The following DPP10 variants were observed in gnomAD, a reference collection of about 807,000 sequenced individuals.
DPP10 encodes dipeptidyl peptidase like 10.
In DPP10, 33 loss-of-function variants were observed where a neutral mutation model predicts 120.9. The observed-to-expected ratio is 0.27, with a 90% CI of 0.21 to 0.37. DPP10 has a LOEUF of 0.37. Ranked by LOEUF, DPP10 falls within the 10% of genes least tolerant of loss-of-function variation. DPP10 has a pLI of 1.00. For synonymous variants in DPP10, 337 were observed against 326.1 expected (o/e 1.03, Z -0.36); for missense variants, 816 against 942.8 (o/e 0.87, Z 1.76).
At chr2:115,284,366 T>C (rs1348398503) in intron 1 of DPP10, among the ~76,000 whole-genome samples, 2 of 152,022 alleles carry the variant, frequency 1.3e-5, no homozygotes, top group African/African-American at 4.8e-5. Flanking sequence ...CACTTATAAA[T>C]AATGCATTAT....
intron 1 of DPP10, among the ~76,000 whole-genome samples, chr2:115,268,096 T>A (rs756732814): frequency 1.3e-5 from 2 of 152,242 alleles, no homozygotes; most frequent in Non-Finnish European, 2.9e-5. Flanking sequence ...AAACTTCATA[T>A]GCTTTGATGC....
intron 1 of DPP10, among the ~76,000 whole-genome samples, chr2:114,523,907 C>T (rs1160799610): frequency 6.6e-6 from 1 of 152,154 alleles, no homozygotes; most frequent in Admixed American, 6.5e-5. Context: ...CAGGAAGTGA[C>T]AAACATAGAC....
At chr2:115,396,639 C>A (rs1395078355) in intron 3 of DPP10, among the ~76,000 whole-genome samples, 2 of 152,172 alleles carry the variant, frequency 1.3e-5, no homozygotes, top group Admixed American at 1.3e-4. Context: ...AAACAGCATG[C>A]AATGTTTGTA....
chr2:114,997,598 T>C lies in DPP10; in HGVS notation c.61-311641T>C, dbSNP rs1046281960. Among the ~76,000 whole-genome samples the C allele has an allele frequency of 2.6e-5, 4 of 152,012 alleles. 1 individual carries two copies. The highest frequency in any genetic ancestry group is 2.6e-4 in the Admixed American group (4 of 15,246). On this transcript the variant is annotated intron_variant, in intron 1 of 25. Coordinates refer to ENST00000410059, the MANE Select transcript of DPP10 (RefSeq NM_020868.6). Reference sequence around the variant, plus strand: ...ATAATAATCAAAATAGCCAAATTCATATAATTTTACAAAAAAACAAGATTT... The same window carrying C: ...ATAATAATCAAAATAGCCAAATTCACATAATTTTACAAAAAAACAAGATTT...
At chr2:114,832,378 CA>C (rs1401936167) in intron 1 of DPP10, among the ~76,000 whole-genome samples, 1 of 151,976 alleles carries the variant, frequency 6.6e-6, no homozygotes. Flanking sequence ...CTAAAAACTA[CA>C]AAAAAATTAG....
chr2:115,272,598 T>C (rs886268232), intron 1 of DPP10, among the ~76,000 whole-genome samples: 3 of 152,248 alleles, frequency 2.0e-5, no homozygotes, highest in African/African-American at 7.2e-5. Flanking sequence ...ACAAGTTAGA[T>C]TGTGGAAATA....
At chr2:114,879,218 G>T (rs573626578) in intron 1 of DPP10, among the ~76,000 whole-genome samples, 36 of 150,054 alleles carry the variant, frequency 2.4e-4, no homozygotes, top group African/African-American at 6.9e-4. Flanking sequence ...AAACACTACT[G>T]TCAGGTAGGG....
At chr2:114,449,512 A>G (rs1362187029) in intron 1 of DPP10, among the ~76,000 whole-genome samples, 1 of 151,502 alleles carries the variant, frequency 6.6e-6, no homozygotes, top group Non-Finnish European at 1.5e-5. Flanking sequence ...GAAAAGTAAA[A>G]TGCATACAGC....
intron 1 of DPP10, among the ~76,000 whole-genome samples, chr2:114,605,081 T>C (rs1692679467): frequency 6.6e-6 from 1 of 152,120 alleles, no homozygotes. Flanking sequence ...CAGAAAGGCC[T>C]TGCTTTTCTG....
At chr2:114,452,986 TA>T (rs1573383394) in intron 1 of DPP10, among the ~76,000 whole-genome samples, 1 of 152,030 alleles carries the variant, frequency 6.6e-6, no homozygotes, top group East Asian at 1.9e-4. Context: ...TGGTTAGAAC[TA>T]AATCTTGCAC....
At chr2:114,568,501 A>C (rs138711282) in intron 1 of DPP10, among the ~76,000 whole-genome samples, 3 of 152,278 alleles carry the variant, frequency 2.0e-5, no homozygotes, top group Admixed American at 6.5e-5. Flanking sequence ...AGTTACCACA[A>C]CAATTTGTGG....
At chr2:114,979,247 A>G (rs1160406251) in intron 1 of DPP10, among the ~76,000 whole-genome samples, 1 of 152,058 alleles carries the variant, frequency 6.6e-6, no homozygotes, top group African/African-American at 2.4e-5. Flanking sequence ...GAATCAAGAT[A>G]ATCAGAACAG....
At chr2:115,320,546 G>T (rs1521078) in intron 2 of DPP10, among the ~76,000 whole-genome samples, 119,370 of 151,828 alleles carry the variant, frequency 0.79, 47,172 homozygotes, top group Non-Finnish European at 0.83. Flanking sequence ...TTTAAATTTA[G>T]AACAATTTAG....
At chr2:115,495,976 G>A (rs2076375338) in intron 3 of DPP10, among the ~76,000 whole-genome samples, 1 of 152,018 alleles carries the variant, frequency 6.6e-6, no homozygotes, top group Non-Finnish European at 1.5e-5. Flanking sequence ...TCATTGATCT[G>A]ATTCACTCAT....
chr2:115,775,489 AT>A (rs1188294901), intron 13 of DPP10, among the ~76,000 whole-genome samples: 1 of 152,068 alleles, frequency 6.6e-6, no homozygotes, highest in African/African-American at 2.4e-5. Flanking sequence ...AGAAAAAAAA[AT>A]CAAATCAGAT....
chr2:115,531,223 A>C (rs2078446035), intron 5 of DPP10, among the ~76,000 whole-genome samples: 1 of 151,768 alleles, frequency 6.6e-6, no homozygotes, highest in Non-Finnish European at 1.5e-5. Context: ...TAGCCTGGGA[A>C]GTTATTAAAA....
At chr2:115,684,692 G>A (rs551028777) in intron 5 of DPP10, among the ~76,000 whole-genome samples, 18 of 151,834 alleles carry the variant, frequency 1.2e-4, no homozygotes, top group African/African-American at 4.3e-4. Flanking sequence ...TAAATTACTG[G>A]GATACACTGC....
intron 1 of DPP10, among the ~76,000 whole-genome samples, chr2:114,950,943 A>G (rs1416389463): frequency 6.6e-6 from 1 of 152,200 alleles, no homozygotes; most frequent in Admixed American, 6.5e-5. Flanking sequence ...ACTATAAGGA[A>G]AGCATCTCTT....
At chr2:115,417,765 C>T (rs2069562963) in intron 3 of DPP10, among the ~76,000 whole-genome samples, 1 of 152,170 alleles carries the variant, frequency 6.6e-6, no homozygotes, top group Non-Finnish European at 1.5e-5. Flanking sequence ...TTCTCCTATG[C>T]TGTGCTCATG....
Sources: gnomAD v4.1 joint callset for allele counts (sites outside exome capture counted in the v4.1 genomes callset) on GRCh38, gnomAD v4.1.1 for gene constraint, MANE v1.5 for transcripts, NCBI Gene and HGNC (gene_info 2026-07-23, HGNC 2026-07-21) for gene names.